The following PRKRA variants were observed in gnomAD, a reference collection of about 807,000 sequenced individuals.
The protein encoded by PRKRA is protein activator of interferon induced protein kinase EIF2AK2, also known as interferon-inducible double-stranded RNA-dependent protein kinase activator A.
In PRKRA, 22 loss-of-function variants were observed where a neutral mutation model predicts 32.4. The observed-to-expected ratio is 0.68, with a 90% confidence interval of 0.49 to 0.97. The LOEUF is 0.97. Among genes scored for constraint, PRKRA ranks in the 50% least tolerant of loss-of-function variants. The probability of loss-of-function intolerance (pLI) is 0.00; values close to 1 mark genes in which losing one functional copy is unlikely to be tolerated. For synonymous variants in PRKRA, 139 were observed against 129.8 expected, an observed-to-expected ratio of 1.07 and a Z score of -0.48; for missense variants, 319 against 375.6, an observed-to-expected ratio of 0.85 and a Z score of 1.25.
chr2:178,445,251 G>A (rs1290218319), intron 3 of PRKRA, among the ~76,000 whole-genome samples: 1 of 152,194 alleles, frequency 6.6e-6, no homozygotes, highest in African/African-American at 2.4e-5. Context: ...TACTTAGCAG[G>A]TCAGTACTTA....
chr2:178,432,018 C>T lies in PRKRA; in HGVS notation c.*79G>A, dbSNP rs9678530. 764 of 1,472,626 alleles carry T rather than the reference C, an allele frequency of 5.2e-4. 1 individual carries two copies. The highest frequency in any genetic ancestry group is 6.5e-4 in the Non-Finnish European group (692 of 1,060,844). 91.2% of individuals were successfully genotyped at this position (1,472,626 alleles called of 1,614,324 possible). A position where few individuals can be genotyped will look rare whatever the true frequency, so the allele number is the denominator to read the frequency against. ...ATTTAGAAACAAGACATAAACACTA[C>T]GGTAAAAGTTTTACTTGGGAAGGGG... is the stretch of plus-strand genomic sequence containing the variant. On this transcript the variant is annotated 3_prime_UTR_variant, in exon 8 of 8. Transcript: ENST00000325748.
chr2:178,435,694 G>C (rs1008985895), intron 7 of PRKRA, among the ~76,000 whole-genome samples: 1 of 152,234 alleles, frequency 6.6e-6, no homozygotes, highest in African/African-American at 2.4e-5. Context: ...AGCAGGGCTA[G>C]TTTAACAGCC....
chr2:178,437,299 C>T (rs970079473), intron 6 of PRKRA, among the ~76,000 whole-genome samples: 1 of 152,138 alleles, frequency 6.6e-6, no homozygotes, highest in African/African-American at 2.4e-5. Context: ...TCCTTACCAC[C>T]CATTCCCTGA....
chr2:178,448,739 G>A (rs1255258740), intron 2 of PRKRA, among the ~76,000 whole-genome samples: 3 of 152,194 alleles, frequency 2.0e-5, no homozygotes, highest in South Asian at 2.1e-4. Flanking sequence ...GAGAGAAGCC[G>A]ACAGATTCAA....
At chr2:178,445,706 A>C (rs1697292657) in intron 3 of PRKRA, 1 of 154,414 alleles carries the variant, frequency 6.5e-6, no homozygotes, top group Admixed American at 6.5e-5. Context: ...GGAGAACCCA[A>C]TACCTGCCAT....
intron 7 of PRKRA, chr2:178,433,658 T>G (rs750474348): frequency 2.8e-4 from 42 of 152,180 alleles, no homozygotes; most frequent in Admixed American, 2.5e-3. Flanking sequence ...TTTTCTTTTT[T>G]AATTTTAAAA....
Position 178,436,158 on chromosome 2 carries a change from T to C in PRKRA, c.771A>G (p.Thr257=). ...EIAKEQGFNI[T]YLDIDELSAN... ...AAAAAATCATACCTATATCCAAATA[T>C]GTTATATTAAAACCTTGTTCCTTGG... The change falls in exon 7 of 8, where the codon ACA becomes ACG. Residue 257 remains threonine, a synonymous_variant. Coordinates refer to ENST00000325748, the MANE Select transcript of PRKRA (RefSeq NM_003690.5). 6.2e-7 allele frequency: 1 copy of C among 1,609,304 alleles called. No homozygotes were observed. The highest frequency in any genetic ancestry group is 8.5e-7 in the Non-Finnish European group (1 of 1,175,968).
At chr2:178,434,292 G>A (rs1696793862) in intron 7 of PRKRA, among the ~76,000 whole-genome samples, 1 of 151,922 alleles carries the variant, frequency 6.6e-6, no homozygotes. Context: ...TGTATTTTTA[G>A]TAGAGACAGG....
At chr2:178,436,375 G>A (rs949089244) in intron 6 of PRKRA, 56 bp from the exon 7 acceptor site, 44 of 1,417,634 alleles carry the variant, frequency 3.1e-5, no homozygotes, top group South Asian at 1.7e-4. Context: ...TCCAACACCC[G>A]TACCAGTATC....
intron 7 of PRKRA, among the ~76,000 whole-genome samples, chr2:178,435,327 G>A (rs999347305): frequency 5.0e-5 from 7 of 140,962 alleles, no homozygotes; most frequent in African/African-American, 1.8e-4. Context: ...AGGTTGCAGT[G>A]AGTTGAGATT....
intron 3 of PRKRA, 80 bp from the exon 4 acceptor site, chr2:178,444,580 A>T: frequency 1.2e-6 from 1 of 851,796 alleles, no homozygotes; most frequent in Non-Finnish European, 1.7e-6. Context: ...TTTCTAATTA[A>T]CTCTCTATGT....
intron 7 of PRKRA, among the ~76,000 whole-genome samples, chr2:178,435,210 C>G (rs1485993564): frequency 6.6e-6 from 1 of 150,892 alleles, no homozygotes; most frequent in Non-Finnish European, 1.5e-5. Flanking sequence ...GATCAAGACT[C>G]CATCTTGGGG....
chr2:178,432,373 A>G, intron 7 of PRKRA, 119 bp from the exon 8 acceptor site: 1 of 1,299,638 alleles, frequency 7.7e-7, no homozygotes, highest in Middle Eastern at 2.1e-4. Context: ...GGTATACTAC[A>G]CCACTCGCAA....
In PRKRA at chr2:178,436,275, C is replaced by T. The variant is rs763093482; in HGVS notation, c.654G>A (p.Leu218=). Reference sequence around the variant, plus strand: ...TGATCTTTTCACCAGGAGAATTCCTCAAGGAATGCCAAGTACATCCTAAAG... The same window carrying T: ...TGATCTTTTCACCAGGAGAATTCCTTAAGGAATGCCAAGTACATCCTAAAG... ...GHSLGCTWHS[L]RNSPGEKINL... Residue 218 remains leucine (L), a synonymous_variant, in exon 7 of 8, where the codon TTG becomes TTA. Transcript: ENST00000325748. 3.6e-5 allele frequency: 58 copies of T among 1,613,792 alleles called. No individual in the cohort carries two copies. The highest frequency in any genetic ancestry group is 4.7e-5 in the Non-Finnish European group (56 of 1,179,882).
At chr2:178,435,807 TATAA>T (rs1696867925) in intron 7 of PRKRA, among the ~76,000 whole-genome samples, 1 of 152,192 alleles carries the variant, frequency 6.6e-6, no homozygotes, top group Non-Finnish European at 1.5e-5. Flanking sequence ...TTCCTTTACT[TATAA>T]ATAAGGATAA....
At chr2:178,444,374 C>A in intron 4 of PRKRA, 48 bp downstream of exon 4, 2 of 1,143,714 alleles carry the variant, frequency 1.7e-6, no homozygotes, top group Non-Finnish European at 2.3e-6. Flanking sequence ...TCTGACATTA[C>A]AAACTTATTA....
chr2:178,433,473 C>T (rs1233108647), intron 7 of PRKRA: 3 of 152,132 alleles, frequency 2.0e-5, no homozygotes, highest in Admixed American at 6.5e-5. Context: ...CCACCAGCAA[C>T]GTGTAAGGTT....
intron 2 of PRKRA, among the ~76,000 whole-genome samples, chr2:178,449,052 T>G (rs1195406561): frequency 3.3e-5 from 5 of 152,186 alleles, no homozygotes; most frequent in Non-Finnish European, 5.9e-5. Flanking sequence ...CATTTCAGAA[T>G]ATTAGTCTTT....
At chr2:178,446,967 T>C (rs1213909838) in intron 3 of PRKRA, among the ~76,000 whole-genome samples, 1 of 118,636 alleles carries the variant, frequency 8.4e-6, no homozygotes, top group East Asian at 2.8e-4. Flanking sequence ...CACTCCAGAC[T>C]GGGCGACAGA....
Sources: allele counts gnomAD v4.1 joint callset (sites outside exome capture counted in the v4.1 genomes callset), GRCh38; gene constraint gnomAD v4.1.1; transcripts MANE v1.5; gene names NCBI Gene and HGNC (gene_info 2026-07-23, HGNC 2026-07-21).